CEMIP: variants seen among roughly 807,000 people sequenced by gnomAD.
CEMIP encodes cell migration inducing hyaluronidase 1.
Under a neutral mutation model 156.9 loss-of-function variants are expected in CEMIP, and 105 were observed. That is an observed-to-expected ratio of 0.67 (90% CI 0.57 to 0.79). The LOEUF (loss-of-function observed/expected upper bound fraction) is 0.79. Ranked by LOEUF, CEMIP falls within the 30% of genes least tolerant of loss-of-function variation. CEMIP has a pLI of 0.00. For synonymous variants in CEMIP, 676 were observed against 668.4 expected (o/e 1.01, Z -0.17); for missense variants, 1,457 against 1,769.4 (o/e 0.82, Z 3.17).
At chr15:80,812,238 A>T (rs1896689472) in intron 1 of CEMIP, among the ~76,000 whole-genome samples, 1 of 152,168 alleles carries the variant, frequency 6.6e-6, no homozygotes, top group Admixed American at 6.5e-5. Context: ...TCATGAGCAT[A>T]TTCTGCAATG....
chr15:80,900,585 GGTGTGTGTGTGTGTGTGTGT>G (rs57724852), intron 12 of CEMIP, among the ~76,000 whole-genome samples: 222 of 74,976 alleles, frequency 3.0e-3, no homozygotes, highest in Admixed American at 3.8e-3. Context: ...CCCAGGTAGG[GGTGTGTGTGTGTGTGTGTGT>G]GTGTGTGTGT....
Position 80,860,783 on chromosome 15 carries a change from C to A in CEMIP, c.-175-12755C>A, listed in dbSNP as rs1193176997. On this transcript the variant is annotated intron_variant, in intron 1 of 29. Coordinates refer to ENST00000394685, the MANE Select transcript of CEMIP (RefSeq NM_001293298.2). ...GTCTTATCACCCTCAACTTACCCTACCCCTTAGCTGTGCTGACCCCTCTGC... is the reference window on the plus strand; with the variant it reads ...GTCTTATCACCCTCAACTTACCCTAACCCTTAGCTGTGCTGACCCCTCTGC... Among the ~76,000 whole-genome samples the A allele has an allele frequency of 2.0e-5, 3 of 152,168 alleles. No homozygotes were observed. The South Asian group carries it at 6.2e-4, about 32-fold the overall frequency.
chr15:80,929,216 A>T (rs751750767), intron 21 of CEMIP, 42 bp downstream of exon 21: 1 of 1,612,734 alleles, frequency 6.2e-7, no homozygotes, highest in Non-Finnish European at 8.5e-7. Flanking sequence ...GAGTGGCTTA[A>T]CCTAAGTGGC....
In CEMIP at chr15:80,943,094, C is replaced by G; in HGVS notation, c.3849C>G (p.Ile1283Met). 1 of 1,614,264 alleles carries G rather than the reference C, an allele frequency of 6.2e-7. No individual in the cohort carries two copies. Residue 1283 changes from isoleucine to methionine, a missense_variant, in exon 28 of 30, where the codon ATC becomes ATG. By Grantham distance (10) the Ile-to-Met change is conservative. Coordinates refer to ENST00000394685, the MANE Select transcript of CEMIP (RefSeq NM_001293298.2). ...PWQLFNYVAT[I>M]PDNSIVLMAS... is the part of the protein sequence containing the mutation. ...AGCTTTTCAACTATGTGGCGACCAT[C>G]CCTGACAAGTGAGTCTGTACCTCTG...
In CEMIP at chr15:80,922,220, A is replaced by G. The variant is rs1900502843; in HGVS notation, c.2202+83A>G. On this transcript the variant is annotated intron_variant, in intron 17 of 29. Coordinates refer to ENST00000394685, the MANE Select transcript of CEMIP (RefSeq NM_001293298.2). ...GCAGATGATTAGAGCCGGGACAGCC[A>G]GTTGGCGACAGCTGGGAACAACTGC... The G allele has an allele frequency of 5.8e-6, 9 of 1,558,756 alleles. No individual in the cohort carries two copies. The African/African-American group carries it at 6.8e-5, about 12-fold the overall frequency.
chr15:80,848,953 A>ATTTTTTTTTTTTTT (rs764417438), intron 1 of CEMIP, among the ~76,000 whole-genome samples: 1 of 72,462 alleles, frequency 1.4e-5, no homozygotes, highest in African/African-American at 6.7e-5. Context: ...CTCTTTAGAA[A>ATTTTTTTTTTTTTT]TTTTTTTTTT....
intron 1 of CEMIP, among the ~76,000 whole-genome samples, chr15:80,847,654 AC>A (rs1596131164): frequency 1.3e-5 from 2 of 152,234 alleles, no homozygotes; most frequent in Admixed American, 1.3e-4. Flanking sequence ...GGTCCTAGTC[AC>A]CAAGGGTGGT....
rs763200314 is a variant in CEMIP at position 80,947,014 on chromosome 15, T to C, written c.3907T>C (p.Trp1303Arg). The C allele has an allele frequency of 2.0e-5, 33 of 1,614,008 alleles. No individual in the cohort carries two copies. The highest frequency in any genetic ancestry group is 2.8e-5 in the Non-Finnish European group (33 of 1,179,988). Residue 1303 changes from tryptophan to arginine, a missense_variant, in exon 29 of 30, where the codon TGG (tryptophan) becomes CGG (arginine). Transcript: ENST00000394685. ...SKGRYVSRGP[W>R]TRVLEKLGAD... ...GGGAAGATACGTCTCCAGAGGCCCA[T>C]GGACCAGAGTGCTGGAAAAGCTTGG...
chr15:80,788,479 AAAAAAAAG>A (rs1163167077), intron 1 of CEMIP, among the ~76,000 whole-genome samples: 14 of 151,738 alleles, frequency 9.2e-5, no homozygotes, highest in African/African-American at 3.4e-4. Context: ...CTCAAAAAAA[AAAAAAAAG>A]AAAAAAGAAA....
rs1202164973 is a variant in CEMIP at position 80,789,210 on chromosome 15, G to A, written c.-176+9596G>A. ...TCAGTACCAGAGACAAGGCAGACAA[G>A]CCCTTTGGTGATGCTAAAGGCTCCT... On this transcript the variant is annotated intron_variant, in intron 1 of 29. Coordinates refer to ENST00000394685, the MANE Select transcript of CEMIP (RefSeq NM_001293298.2). Among the ~76,000 whole-genome samples the A allele has an allele frequency of 7.2e-5, 11 of 152,288 alleles. No homozygotes were observed. The South Asian group carries it at 2.3e-3, about 32-fold the overall frequency.
At chr15:80,872,285 G>A (rs1305156437) in intron 1 of CEMIP, among the ~76,000 whole-genome samples, 2 of 152,190 alleles carry the variant, frequency 1.3e-5, no homozygotes, top group African/African-American at 2.4e-5. Flanking sequence ...AGGAGAAATT[G>A]CGGAGATGGC....
intron 1 of CEMIP, among the ~76,000 whole-genome samples, chr15:80,799,276 G>T (rs1291695499): frequency 6.6e-6 from 1 of 152,226 alleles, no homozygotes; most frequent in African/African-American, 2.4e-5. Context: ...TGGGCTGCCA[G>T]CCGCCTTGTG....
Position 80,950,664 on chromosome 15 carries a change from G to C in CEMIP, c.*1740G>C, listed in dbSNP as rs1901778792. 6.6e-6 allele frequency: 1 copy of C among 152,484 alleles called. No homozygotes were observed. Among genetic ancestry groups the C allele is most frequent in the Non-Finnish European group, 1.5e-5 (1 of 68,152 alleles). 9.4% of individuals were successfully genotyped at this position (152,484 alleles called of 1,614,324 possible). On this transcript the variant is annotated 3_prime_UTR_variant, in exon 30 of 30. Transcript: ENST00000394685. ...TGGTGAGCCAATTTGGCTGATCTTG[G>C]GTGTCTGAACAGCTATTGGGTCCAC...
At chr15:80,881,428 C>T (rs77187448) in intron 6 of CEMIP, among the ~76,000 whole-genome samples, 489 of 152,274 alleles carry the variant, frequency 3.2e-3, no homozygotes, top group Non-Finnish European at 5.2e-3. Context: ...CTAGGGAAGA[C>T]CACTTTGGAT....
Position 80,949,036 on chromosome 15 carries a change from G to C in CEMIP, c.*112G>C, listed in dbSNP as rs1488101267. ...GCCCCTGCCAGCAGCTGCCTGGGAA[G>C]GCCGTGTTTCAGCCCTGATGGGCCA... On this transcript the variant is annotated 3_prime_UTR_variant, in exon 30 of 30. Coordinates refer to ENST00000394685, the MANE Select transcript of CEMIP (RefSeq NM_001293298.2). 1 of 1,459,474 alleles carries C rather than the reference G, an allele frequency of 6.9e-7. No individual in the cohort carries two copies. Among genetic ancestry groups the C allele is most frequent in the African/African-American group, 1.4e-5 (1 of 71,902 alleles). 90.4% of individuals were successfully genotyped at this position (1,459,474 alleles called of 1,614,324 possible).
chr15:80,908,251 C>T (rs886189785), intron 13 of CEMIP, among the ~76,000 whole-genome samples: 1 of 152,132 alleles, frequency 6.6e-6, no homozygotes, highest in East Asian at 1.9e-4. Context: ...TGAGACCAGT[C>T]CCTGAATGAT....
chr15:80,850,283 CT>C (rs1235733034), intron 1 of CEMIP, among the ~76,000 whole-genome samples: 6 of 151,988 alleles, frequency 3.9e-5, no homozygotes, highest in South Asian at 4.2e-4. Flanking sequence ...TTATTGTCAT[CT>C]TCTTTTTTTT....
intron 1 of CEMIP, among the ~76,000 whole-genome samples, chr15:80,825,056 C>T (rs1422220077): frequency 2.0e-5 from 3 of 152,136 alleles, no homozygotes; most frequent in African/African-American, 7.2e-5. Flanking sequence ...CATGTATTCC[C>T]CACCAGCTAA....
intron 1 of CEMIP, among the ~76,000 whole-genome samples, chr15:80,800,021 A>ATGTGTGTGTGTGTGTG (rs56412231): frequency 0.04 from 4,968 of 124,754 alleles, 201 homozygotes; most frequent in Middle Eastern, 0.056. Flanking sequence ...AGCTAATTTT[A>ATGTGTGTGTGTGTGTG]TGTGTGTGTG....
Sources: gnomAD v4.1 joint callset for allele counts (sites outside exome capture counted in the v4.1 genomes callset) on GRCh38, gnomAD v4.1.1 for gene constraint, MANE v1.5 for transcripts, NCBI Gene and HGNC (gene_info 2026-07-23, HGNC 2026-07-21) for gene names.